Variants in SCRIB observed in about 807,000 individuals in gnomAD.
SCRIB encodes the protein protein scribble homolog.
SCRIB carries 72 observed loss-of-function variants against 170.0 expected under a neutral mutation model. The ratio of observed to expected loss-of-function variants is 0.42; its 90% confidence interval spans 0.35 to 0.52. SCRIB has a LOEUF of 0.52. Among genes scored for constraint, SCRIB ranks in the 20% least tolerant of loss-of-function variants. The pLI is 0.02. For synonymous variants in SCRIB, 1,298 were observed against 1,044.3 expected (o/e 1.24, Z -4.68); for missense variants, 2,475 against 2,338.5 (o/e 1.06, Z -1.20).
At position 143,804,542 on chromosome 8, in the gene SCRIB, T is replaced by G. The variant is rs782021324; in HGVS notation, c.3009+26A>C. 11 of 1,486,012 alleles carry G rather than the reference T, an allele frequency of 7.4e-6. No homozygotes were observed. In the South Asian group the frequency reaches 1.4e-4, roughly 18 times the overall value. The allele number at this position is 1,486,012 out of a possible 1,614,324, so 92.1% of individuals were successfully genotyped here. ...GTGCCCACAGCTGAAGCTGGGTGGG[T>G]GCCTGGGTGGGGGCTTGTGTCTCAC... On this transcript the variant is annotated intron_variant, in intron 21 of 36. Coordinates refer to ENST00000356994, the MANE Select transcript of SCRIB (RefSeq NM_182706.5).
chr8:143,794,081 G>A, intron 27 of SCRIB, 119 bp from the exon 28 acceptor site: 2 of 896,248 alleles, frequency 2.2e-6, no homozygotes, highest in Non-Finnish European at 3.5e-6. Context: ...TCCCCAACCT[G>A]ACTATAGCCC....
chr8:143,813,374 C>A lies in SCRIB; in HGVS notation c.504G>T (p.Ala168=). The stretch of plus-strand genomic sequence containing the variant: ...CCAGCTTGACCAGAAATGACAGGGA[C>A]CTGCAGAGGAAGCAGGGTGGAGGTG... ...LRENLLKSLP[A]SLSFLVKLEQ... The change falls in exon 6 of 37, where the codon GCG becomes GCT. Residue 168 remains alanine, a splice_region_variant and synonymous_variant. Transcript: ENST00000356994. The A allele has an allele frequency of 6.2e-7, 1 of 1,613,592 alleles. No individual in the cohort carries two copies. The highest frequency in any genetic ancestry group is 2.2e-5 in the East Asian group (1 of 44,876).
chr8:143,810,380 T>C (rs2130122169), intron 13 of SCRIB, 99 bp downstream of exon 13: 2 of 1,499,464 alleles, frequency 1.3e-6, no homozygotes, highest in East Asian at 2.3e-5. Flanking sequence ...GCTCCTTCTC[T>C]GTGCTGCCCT....
chr8:143,812,812 C>G lies in SCRIB; in HGVS notation c.787+5G>C. 6.3e-7 allele frequency: 1 copy of G among 1,597,632 alleles called. No homozygotes were observed. Among genetic ancestry groups the G allele is most frequent in the Non-Finnish European group, 8.5e-7 (1 of 1,177,948 alleles). ...CCCCACCCAGGCACCCCCAGGCACA[C>G]TAACCGATGCCGTCGGGCAGCCTCC... On this transcript the variant is annotated splice_donor_5th_base_variant and intron_variant, in intron 8 of 36. Transcript: ENST00000356994.
rs552767912 is a variant in SCRIB at position 143,812,824 on chromosome 8, G to A, written c.780C>T (p.Asp260=). ...ACCCCCAGGCACACTAACCGATGCC[G>A]TCGGGCAGCCTCCGCAGCAGGTTCT... ...LSQNLLRRLP[D]GIGQLKQLSI... Residue 260 remains aspartate, a synonymous_variant, in exon 8 of 37, where the codon GAC becomes GAT. Transcript: ENST00000356994. 1.2e-5 allele frequency: 19 copies of A among 1,599,716 alleles called. No homozygotes were observed. Among genetic ancestry groups the A allele is most frequent in the East Asian group, 4.5e-5 (2 of 44,838 alleles).
At chr8:143,794,236 C>T (rs1298167152) in intron 27 of SCRIB, 28 of 464,350 alleles carry the variant, frequency 6.0e-5, no homozygotes, top group Non-Finnish European at 9.0e-5. Context: ...ACAGGACAGC[C>T]GGAGAAGAGA....
intron 24 of SCRIB, among the ~76,000 whole-genome samples, chr8:143,802,764 T>C (rs577903241): frequency 6.6e-6 from 1 of 152,336 alleles, no homozygotes; most frequent in East Asian, 1.9e-4. Flanking sequence ...ATCCAGGCCG[T>C]GCTGGTGGGG....
Position 143,808,593 on chromosome 8 carries a change from T to A in SCRIB, c.2115+16A>T. The stretch of plus-strand genomic sequence containing the variant: ...CAGGGGAATCTGGGTCAGGCAGGGG[T>A]GAGGCTGACACCAACCTTGACAGAG... On this transcript the variant is annotated intron_variant, in intron 15 of 36. Transcript: ENST00000356994. The A allele has an allele frequency of 6.7e-7, 1 of 1,498,856 alleles. No homozygotes were observed. The highest frequency in any genetic ancestry group is 8.9e-7 in the Non-Finnish European group (1 of 1,124,784). The allele number at this position is 1,498,856 out of a possible 1,614,324, so 92.8% of individuals were successfully genotyped here.
At chr8:143,794,286 T>G in intron 27 of SCRIB, 2 of 351,572 alleles carry the variant, frequency 5.7e-6, no homozygotes, top group South Asian at 1.2e-4. Context: ...ACAGAGGTGA[T>G]GGTGGGGAGC....
chr8:143,808,127 A>G (rs1316804967), intron 15 of SCRIB, among the ~76,000 whole-genome samples: 8 of 152,070 alleles, frequency 5.3e-5, no homozygotes, highest in Admixed American at 5.2e-4. Flanking sequence ...ATCCCAGGAG[A>G]GCCCAGTGAT....
chr8:143,795,185 G>A, intron 26 of SCRIB, 73 bp from the exon 27 acceptor site: 4 of 1,595,394 alleles, frequency 2.5e-6, no homozygotes, highest in Non-Finnish European at 2.6e-6. Context: ...GGGCAGGAGA[G>A]GGGGTCCTGG....
chr8:143,792,098 T>G lies in SCRIB; in HGVS notation c.4550A>C (p.Gln1517Pro). 6.3e-7 allele frequency: 1 copy of G among 1,591,068 alleles called. No homozygotes were observed. Among genetic ancestry groups the G allele is most frequent in the Non-Finnish European group, 8.5e-7 (1 of 1,175,228 alleles). ...TTCCTGGGACCTGCTGAGGACCATC[T>G]GTGCTCGGAGAGCGTCCTGTTCCAA... ...KSLEQDALRA[Q>P]MVLSRSQEGR... Residue 1517 changes from glutamine (Q) to proline (P), a missense_variant, in exon 33 of 37, where the codon CAG becomes CCG. Around this residue, in one of 3 missense-constraint regions of SCRIB, gnomAD observed 1,966 missense variants for 1,742.9 expected, o/e 1.13. Transcript: ENST00000356994.
chr8:143,794,006 TG>T (rs782727609), intron 27 of SCRIB, 44 bp from the exon 28 acceptor site: 46 of 1,592,114 alleles, frequency 2.9e-5, no homozygotes, highest in Non-Finnish European at 3.8e-5. Context: ...GGCAGGGCTG[TG>T]GCCCCCGACC....
chr8:143,810,879 G>T (rs747374450), intron 11 of SCRIB, 27 bp downstream of exon 11: 1 of 1,609,476 alleles, frequency 6.2e-7, no homozygotes. Context: ...GCCACCCCGC[G>T]CTAAGCACCG....
chr8:143,792,417 A>G lies in SCRIB; in HGVS notation c.4329-12T>C. 1 of 1,506,828 alleles carries G rather than the reference A, an allele frequency of 6.6e-7. No individual in the cohort carries two copies. Among genetic ancestry groups the G allele is most frequent in the Non-Finnish European group, 8.8e-7 (1 of 1,130,692 alleles). 93.3% of individuals were successfully genotyped at this position (1,506,828 alleles called of 1,614,324 possible). On this transcript the variant is annotated splice_polypyrimidine_tract_variant and intron_variant, in intron 31 of 36. Coordinates refer to ENST00000356994, the MANE Select transcript of SCRIB (RefSeq NM_182706.5). ...ACGCCGGGCTCTGCCTGGGGAAGGG[A>G]CAGGACGTGCTGTGGGGGGCAGGGG...
chr8:143,795,160 C>T (rs1814886591), intron 26 of SCRIB, 48 bp from the exon 27 acceptor site: 2 of 1,600,548 alleles, frequency 1.2e-6, no homozygotes, highest in Admixed American at 1.7e-5. Context: ...TCCGTGGCAG[C>T]ACCCGGCCAG....
rs371704201 is a variant in SCRIB at position 143,792,616 on chromosome 8, C to T, written c.4197G>A (p.Lys1399=). ...QEEEARKLQQ[K]RAQMLREAAE... ...CCGCCTCCCGCAGCATCTGCGCTCT[C>T]TTCTGCTGTAGTTTTCTGGCTGCCG... The change falls in exon 31 of 37, where the codon AAG becomes AAA. Residue 1399 remains lysine (K), a synonymous_variant. Coordinates refer to ENST00000356994, the MANE Select transcript of SCRIB (RefSeq NM_182706.5). 8.2e-6 allele frequency: 13 copies of T among 1,594,320 alleles called. No homozygotes were observed. In the Admixed American group the frequency reaches 1.9e-4, roughly 23 times the overall value.
intron 35 of SCRIB, 59 bp from the exon 36 acceptor site, chr8:143,791,499 G>A (rs1820079168): frequency 6.3e-7 from 1 of 1,595,414 alleles, no homozygotes; most frequent in Non-Finnish European, 8.5e-7. Context: ...CCACCCAGGT[G>A]GACGGGTGGG....
rs1815566884 is a variant in SCRIB at position 143,808,916 on chromosome 8, A to G, written c.1808T>C (p.Ile603Thr). ...TTTGTAGTGAGGTGTGTCCTTGCGG[A>G]TGAGCCGCTGCCTCCCGCCTGGCAG... is the stretch of plus-strand genomic sequence containing the variant. ...WTLPGGRQRL[I>T]RKDTPHYKKH... The change falls in exon 15 of 37, where the codon ATC becomes ACC. Residue 603 changes from isoleucine (I) to threonine (T), a missense_variant. Physicochemically the swap from Ile to Thr is moderately conservative, Grantham distance 89. This residue lies in a region of SCRIB where 1,966 missense variants were observed against 1,742.9 expected (regional missense o/e 1.13). Transcript: ENST00000356994. 2 of 1,611,280 alleles carry G rather than the reference A, an allele frequency of 1.2e-6. No individual in the cohort carries two copies. Among genetic ancestry groups the G allele is most frequent in the Non-Finnish European group, 1.7e-6 (2 of 1,179,978 alleles).
Sources: gnomAD v4.1 joint callset for allele counts (sites outside exome capture counted in the v4.1 genomes callset) on GRCh38, gnomAD v4.1.1 for gene constraint, gnomAD v4.1.1 regional missense constraint, MANE v1.5 for transcripts, NCBI Gene and HGNC (gene_info 2026-07-23, HGNC 2026-07-21) for gene names.